The following DCX variants were observed in gnomAD, a reference collection of about 807,000 sequenced individuals.
DCX encodes the protein neuronal migration protein doublecortin.
Under a neutral mutation model 20.9 loss-of-function variants are expected in DCX, and 4 were observed. The ratio of observed to expected loss-of-function variants is 0.19; its 90% confidence interval spans 0.09 to 0.44. DCX has a LOEUF of 0.44. Ranked by LOEUF, DCX falls within the 20% of genes least tolerant of loss-of-function variation. The pLI is 0.99. For synonymous variants in DCX, 103 were observed against 111.4 expected (o/e 0.92, Z 0.47); for missense variants, 133 against 296.9 (o/e 0.45, Z 4.06).
At chrX:111,357,715 G>A (rs1002414580) in intron 3 of DCX, among the ~76,000 whole-genome samples, 2 of 110,135 alleles carry the variant, frequency 1.8e-5, no homozygotes, top group African/African-American at 3.3e-5. Context: ...CCAGGATGTC[G>A]AGACTGCAGT....
intron 3 of DCX, among the ~76,000 whole-genome samples, chrX:111,360,586 A>G (rs1924130214): frequency 9.0e-6 from 1 of 111,606 alleles, no homozygotes; most frequent in Admixed American, 9.5e-5. Context: ...AAAAATAACT[A>G]AAAGAGTATA....
rs765515581 is a variant in DCX, at chrX:111,351,885, C to T, written c.706-18732G>A. On this transcript the variant is annotated intron_variant, in intron 3 of 6. Coordinates refer to ENST00000636035, the MANE Select transcript of DCX (RefSeq NM_001195553.2). ...GACTACAGGCGCAAGTCACCAGGCC[C>T]GGCTAATTTTTGTATTTTTCGTAGA... Among the ~76,000 whole-genome samples the T allele has an allele frequency of 2.7e-5, 3 of 111,389 alleles. 1 individual carries two copies. Among genetic ancestry groups the T allele is most frequent in the South Asian group, 7.7e-4 (2 of 2,599 alleles).
rs759509764 is a variant in DCX, at chrX:111,384,597, G to A, written c.705+16393C>T. Among the ~76,000 whole-genome samples the A allele has an allele frequency of 6.3e-5, 7 of 111,544 alleles. No individual in the cohort carries two copies. In the South Asian group the frequency reaches 1.9e-3, roughly 30 times the overall value. On this transcript the variant is annotated intron_variant, in intron 3 of 6. Transcript: ENST00000636035. ...GCTAGTACAATACTCTGCAAATAAC[G>A]GATGCATTGCGGTTTAATGATTATA...
chrX:111,411,836 G>A (rs1362016417), intron 1 of DCX: 1 of 111,751 alleles, frequency 8.9e-6, no homozygotes, highest in Non-Finnish European at 1.9e-5. Context: ...GCAGTGGTAA[G>A]AGACCCCACC....
intron 3 of DCX, among the ~76,000 whole-genome samples, chrX:111,357,893 T>C (rs1248270235): frequency 8.9e-6 from 1 of 111,852 alleles, no homozygotes; most frequent in Non-Finnish European, 1.9e-5. Flanking sequence ...AGTGATGTGA[T>C]CTTGGCTCAC....
chrX:111,328,527 C>T (rs2095104931), intron 5 of DCX, among the ~76,000 whole-genome samples: 1 of 111,506 alleles, frequency 9.0e-6, no homozygotes, highest in Non-Finnish European at 1.9e-5. Flanking sequence ...CAAGCTGATA[C>T]CACCTGAGAA....
chrX:111,379,344 G>A (rs1925787299), intron 3 of DCX, among the ~76,000 whole-genome samples: 1 of 111,223 alleles, frequency 9.0e-6, no homozygotes, highest in Non-Finnish European at 1.9e-5. Flanking sequence ...AACAAAAACC[G>A]CTGTGCCCAT....
At position 111,410,022 on chromosome X, in the gene DCX, C is replaced by G; in HGVS notation, c.364+13G>C. On this transcript the variant is annotated intron_variant, in intron 2 of 6. Coordinates refer to ENST00000636035, the MANE Select transcript of DCX (RefSeq NM_001195553.2). ...ACCTCCCACCAACGGCCACCACCCA[C>G]TATTTAAATTACCTTCCTCCAGTTC... The G allele has an allele frequency of 8.3e-7, 1 of 1,211,701 alleles. No individual in the cohort carries two copies. Among genetic ancestry groups the G allele is most frequent in the Non-Finnish European group, 1.1e-6 (1 of 895,434 alleles).
Position 111,410,039 on chromosome X carries a change from C to T in DCX, c.360G>A (p.Glu120=), listed in dbSNP as rs1246198861. ...SRKIGSMDEL[E]EGESYVCSSD... is the part of the protein sequence containing the mutation. Reference sequence around the variant, plus strand: ...ACCACCCACTATTTAAATTACCTTCCTCCAGTTCATCCATGCTTCCGATCT... The same window carrying T: ...ACCACCCACTATTTAAATTACCTTCTTCCAGTTCATCCATGCTTCCGATCT... Residue 120 remains glutamate (E), a synonymous_variant, in exon 2 of 7, where the codon GAG becomes GAA. Transcript: ENST00000636035. 3.3e-6 allele frequency: 4 copies of T among 1,211,715 alleles called. No homozygotes were observed. Among genetic ancestry groups the T allele is most frequent in the Non-Finnish European group, 4.5e-6 (4 of 895,486 alleles).
chrX:111,358,120 G>A (rs1360555271), intron 3 of DCX, among the ~76,000 whole-genome samples: 3 of 112,126 alleles, frequency 2.7e-5, no homozygotes, highest in East Asian at 2.8e-4. Context: ...GAACCAACGC[G>A]CCCGGCTGGA....
At chrX:111,369,677 A>G (rs1183131596) in intron 3 of DCX, among the ~76,000 whole-genome samples, 2 of 111,855 alleles carry the variant, frequency 1.8e-5, no homozygotes, top group Non-Finnish European at 3.8e-5. Flanking sequence ...TATTTCCAAG[A>G]GTCAAAGGTA....
chrX:111,358,251 A>G (rs989503561), intron 3 of DCX, among the ~76,000 whole-genome samples: 3 of 112,589 alleles, frequency 2.7e-5, no homozygotes, highest in Admixed American at 9.4e-5. Context: ...TGTGCAAATT[A>G]ATGAAATTAG....
intron 6 of DCX, among the ~76,000 whole-genome samples, chrX:111,302,523 C>T (rs2095036294): frequency 1.8e-5 from 2 of 112,231 alleles, no homozygotes; most frequent in South Asian, 3.7e-4. Flanking sequence ...GTAAGGAATG[C>T]CATATTGCTT....
intron 3 of DCX, among the ~76,000 whole-genome samples, chrX:111,400,024 T>C (rs1489774459): frequency 8.9e-6 from 1 of 112,060 alleles, no homozygotes; most frequent in East Asian, 2.8e-4. Flanking sequence ...AACTTTGATA[T>C]ATAGTGAATC....
At chrX:111,385,374 G>C (rs912246637) in intron 3 of DCX, among the ~76,000 whole-genome samples, 2 of 111,504 alleles carry the variant, frequency 1.8e-5, no homozygotes, top group African/African-American at 6.5e-5. Flanking sequence ...TCAAGTTCTT[G>C]GCTGGGTACA....
At chrX:111,362,996 T>C (rs1924333335) in intron 3 of DCX, among the ~76,000 whole-genome samples, 1 of 112,100 alleles carries the variant, frequency 8.9e-6, no homozygotes, top group African/African-American at 3.2e-5. Context: ...AGACTGATAT[T>C]GACCAAATAG....
At chrX:111,358,513 T>C (rs1274815505) in intron 3 of DCX, among the ~76,000 whole-genome samples, 1 of 112,179 alleles carries the variant, frequency 8.9e-6, no homozygotes, top group Non-Finnish European at 1.9e-5. Context: ...TTTGCCTTAT[T>C]CTGTTTAACT....
intron 3 of DCX, among the ~76,000 whole-genome samples, chrX:111,359,314 C>G: frequency 9.0e-6 from 1 of 111,275 alleles, no homozygotes; most frequent in Non-Finnish European, 1.9e-5. Context: ...AGTGGAGAAA[C>G]AATTATTTTA....
At chrX:111,388,452 A>G (rs1477680190) in intron 3 of DCX, among the ~76,000 whole-genome samples, 1 of 112,039 alleles carries the variant, frequency 8.9e-6, no homozygotes, top group Non-Finnish European at 1.9e-5. Context: ...TAATTAAAAT[A>G]CAAATAAATA....
Sources: gnomAD v4.1 joint callset for allele counts (sites outside exome capture counted in the v4.1 genomes callset) on GRCh38, gnomAD v4.1.1 for gene constraint, MANE v1.5 for transcripts, NCBI Gene and HGNC (gene_info 2026-07-23, HGNC 2026-07-21) for gene names.